IQCM: variants seen among roughly 807,000 people sequenced by gnomAD.
IQCM encodes the protein IQ domain-containing protein M.
In IQCM, 45 loss-of-function variants were observed where a neutral mutation model predicts 57.6. The observed-to-expected ratio is 0.78, with a 90% CI of 0.62 to 1.00. The LOEUF (loss-of-function observed/expected upper bound fraction) is 1.00. Ranked by LOEUF, IQCM falls within the 50% of genes least tolerant of loss-of-function variation. IQCM has a pLI of 0.00. For synonymous variants in IQCM, 148 were observed against 158.9 expected (o/e 0.93, Z 0.51); for missense variants, 468 against 511.6 (o/e 0.91, Z 0.82).
intron 10 of IQCM, among the ~76,000 whole-genome samples, chr4:149,562,746 C>A (rs1750247595): frequency 6.6e-6 from 1 of 152,098 alleles, no homozygotes; most frequent in Non-Finnish European, 1.5e-5. Flanking sequence ...TTAATCAGAA[C>A]TACATATGTG....
chr4:149,677,068 C>CA (rs1242038042), intron 7 of IQCM, among the ~76,000 whole-genome samples: 1 of 151,922 alleles, frequency 6.6e-6, no homozygotes, highest in Non-Finnish European at 1.5e-5. Flanking sequence ...ACCAAGTATG[C>CA]AAAAAATACT....
chr4:149,422,869 A>G (rs1734208797), intron 13 of IQCM, among the ~76,000 whole-genome samples: 1 of 152,010 alleles, frequency 6.6e-6, no homozygotes, highest in Non-Finnish European at 1.5e-5. Context: ...AAAATCGTGG[A>G]AGAAACTATG....
intron 7 of IQCM, among the ~76,000 whole-genome samples, chr4:149,648,584 T>C (rs1437668234): frequency 6.6e-6 from 1 of 152,192 alleles, no homozygotes; most frequent in East Asian, 1.9e-4. Context: ...GGTCAAATGG[T>C]ATTTCTAGTT....
At chr4:149,802,865 A>C (rs1773727179) in intron 2 of IQCM, among the ~76,000 whole-genome samples, 1 of 152,006 alleles carries the variant, frequency 6.6e-6, no homozygotes, top group Non-Finnish European at 1.5e-5. Context: ...TGTGTTCTAC[A>C]GAAGACACTC....
At chr4:149,466,088 A>G (rs1738830023) in intron 12 of IQCM, among the ~76,000 whole-genome samples, 1 of 152,216 alleles carries the variant, frequency 6.6e-6, no homozygotes, top group South Asian at 2.1e-4. Context: ...CTTTATCACC[A>G]TAACAAATAA....
chr4:149,449,255 C>G (rs1310981233), intron 12 of IQCM, among the ~76,000 whole-genome samples: 1 of 138,896 alleles, frequency 7.2e-6, no homozygotes, highest in Non-Finnish European at 1.5e-5. Context: ...CAAAAAAAAG[C>G]AAAACACCTT....
chr4:149,359,189 C>G (rs923335550), intron 13 of IQCM, among the ~76,000 whole-genome samples: 4 of 152,040 alleles, frequency 2.6e-5, no homozygotes, highest in African/African-American at 9.7e-5. Context: ...TAAAAAACCT[C>G]TCTAGAGGAA....
chr4:149,368,831 T>TATATATATACATATATACAC (rs1730065625), intron 13 of IQCM, among the ~76,000 whole-genome samples: 1 of 43,802 alleles, frequency 2.3e-5, no homozygotes, highest in African/African-American at 9.5e-5. Flanking sequence ...TATATATACA[T>TATATATATACATATATACAC]GTATATATAT....
intron 2 of IQCM, among the ~76,000 whole-genome samples, chr4:149,797,400 A>G (rs1773204178): frequency 6.6e-6 from 1 of 152,138 alleles, no homozygotes; most frequent in African/African-American, 2.4e-5. Flanking sequence ...AGAAGAAAAA[A>G]TGAAGCATGC....
chr4:149,630,576 A>G (rs925409935), intron 7 of IQCM, among the ~76,000 whole-genome samples: 2 of 152,222 alleles, frequency 1.3e-5, no homozygotes, highest in Non-Finnish European at 2.9e-5. Flanking sequence ...TTTTAAAAAA[A>G]TAAGAATTAT....
At chr4:149,596,441 AGCTT>A (rs1193101508) in intron 8 of IQCM, among the ~76,000 whole-genome samples, 1 of 152,130 alleles carries the variant, frequency 6.6e-6, no homozygotes, top group African/African-American at 2.4e-5. Context: ...AATTTCTGAC[AGCTT>A]AGAGTCTAGG....
intron 2 of IQCM, among the ~76,000 whole-genome samples, chr4:149,751,265 A>ACCCTCCGTGAATCTC (rs1475710234): frequency 1.3e-5 from 2 of 152,090 alleles, no homozygotes; most frequent in Non-Finnish European, 2.9e-5. Context: ...CCAGAATTTT[A>ACCCTCCGTGAATCTC]CCCTCCGTGA....
At chr4:149,566,831 A>G (rs1465626629) in intron 9 of IQCM, among the ~76,000 whole-genome samples, 3 of 152,202 alleles carry the variant, frequency 2.0e-5, no homozygotes, top group Non-Finnish European at 4.4e-5. Flanking sequence ...AACAATTTAT[A>G]GAAGTCTTGA....
intron 13 of IQCM, among the ~76,000 whole-genome samples, chr4:149,410,868 A>C (rs187907348): frequency 3.9e-5 from 6 of 152,264 alleles, no homozygotes; most frequent in Admixed American, 3.9e-4. Flanking sequence ...GATAGATGTT[A>C]TTGATTGATT....
chr4:149,713,945 C>A (rs906047666), intron 5 of IQCM, among the ~76,000 whole-genome samples: 8 of 152,150 alleles, frequency 5.3e-5, no homozygotes, highest in Admixed American at 3.3e-4. Flanking sequence ...AAGAAGTGCT[C>A]TCTCTTGATC....
chr4:149,776,229 T>A (rs1384006466), intron 2 of IQCM, among the ~76,000 whole-genome samples: 1 of 152,132 alleles, frequency 6.6e-6, no homozygotes, highest in African/African-American at 2.4e-5. Context: ...ATAATCACCC[T>A]AACTATGGCA....
At chr4:149,686,094 A>AT (rs371555505) in intron 6 of IQCM, among the ~76,000 whole-genome samples, 4 of 151,546 alleles carry the variant, frequency 2.6e-5, no homozygotes, top group South Asian at 2.1e-4. Context: ...AAAATATGGC[A>AT]TTTTTTTCCC....
chr4:149,380,981 C>CTTTGCTT (rs1731038553), intron 13 of IQCM, among the ~76,000 whole-genome samples: 2 of 152,176 alleles, frequency 1.3e-5, no homozygotes, highest in African/African-American at 4.8e-5. Context: ...AGATGTGTAA[C>CTTTGCTT]AGTCATTTCA....
chr4:149,670,548 T>G (rs1474694677), intron 7 of IQCM, among the ~76,000 whole-genome samples: 3 of 152,168 alleles, frequency 2.0e-5, no homozygotes, highest in Non-Finnish European at 4.4e-5. Flanking sequence ...GCATCCTGTC[T>G]TGTGCCAGTT....
Sources: allele counts gnomAD v4.1 joint callset (sites outside exome capture counted in the v4.1 genomes callset), GRCh38; gene constraint gnomAD v4.1.1; transcripts MANE v1.5; gene names NCBI Gene and HGNC (gene_info 2026-07-23, HGNC 2026-07-21).